EDA: variants seen among roughly 807,000 people sequenced by gnomAD.
EDA encodes the protein ectodysplasin-A.
In EDA, 2 loss-of-function variants were observed where a neutral mutation model predicts 23.6. The ratio of observed to expected loss-of-function variants is 0.08; its 90% CI spans 0.03 to 0.27. The LOEUF (loss-of-function observed/expected upper bound fraction) is 0.27. Ranked by LOEUF, EDA falls within the 10% of genes least tolerant of loss-of-function variation. EDA has a pLI of 1.00. For missense variants in EDA, 229 were observed against 324.2 expected, an observed-to-expected ratio of 0.71 and a Z score of 2.26; for synonymous variants, 131 against 132.0, an observed-to-expected ratio of 0.99 and a Z score of 0.05.
At chrX:69,993,971 T>C (rs1303021558) in intron 2 of EDA, among the ~76,000 whole-genome samples, 1 of 112,055 alleles carries the variant, frequency 8.9e-6, no homozygotes, top group Non-Finnish European at 1.9e-5. Context: ...CAATTTTGGA[T>C]TGGATTTCAT....
chrX:69,935,932 T>A (rs2018668030), intron 1 of EDA, among the ~76,000 whole-genome samples: 1 of 108,614 alleles, frequency 9.2e-6, no homozygotes, highest in African/African-American at 3.3e-5. Context: ...TTCTCAAGCA[T>A]CAAAATGTTA....
intron 1 of EDA, among the ~76,000 whole-genome samples, chrX:69,623,147 T>G (rs750616656): frequency 8.9e-5 from 10 of 112,424 alleles, no homozygotes; most frequent in Non-Finnish European, 1.9e-4. Context: ...TTTAAAAGTA[T>G]CTTGGATATT....
At chrX:69,767,407 CT>C (rs943976011) in intron 1 of EDA, among the ~76,000 whole-genome samples, 32 of 108,326 alleles carry the variant, frequency 3.0e-4, no homozygotes, top group Admixed American at 9.9e-4. Context: ...TGTTGATTTG[CT>C]TTTTTTTTCA....
chrX:69,778,327 G>A (rs1469191010), intron 1 of EDA, among the ~76,000 whole-genome samples: 1 of 111,386 alleles, frequency 9.0e-6, no homozygotes, highest in African/African-American at 3.3e-5. Context: ...AGGAAGTATG[G>A]TTTTGCTATT....
intron 1 of EDA, among the ~76,000 whole-genome samples, chrX:69,826,147 A>G (rs1347001894): frequency 8.1e-5 from 9 of 111,390 alleles, no homozygotes; most frequent in South Asian, 7.7e-4. Context: ...AATAGGTGTG[A>G]TGTGGTGCTG....
intron 1 of EDA, among the ~76,000 whole-genome samples, chrX:69,632,975 C>G (rs1247701713): frequency 9.0e-6 from 1 of 110,837 alleles, no homozygotes; most frequent in Non-Finnish European, 1.9e-5. Flanking sequence ...CTTTTTTGAC[C>G]CAAATCTTCC....
rs774192477 is a variant in EDA, at chrX:69,907,034, G to C, written c.397-49993G>C. 7.3e-4 allele frequency among the ~76,000 whole-genome samples: 82 copies of C among 111,737 alleles called. 1 individual carries two copies. Among genetic ancestry groups the C allele is most frequent in the African/African-American group, 2.6e-3 (80 of 30,799 alleles). On this transcript the variant is annotated intron_variant, in intron 1 of 7. Coordinates refer to ENST00000374552, the MANE Select transcript of EDA (RefSeq NM_001399.5). ...GAAGAAAGAACTGCTTGGTGAGATA[G>C]TGATGATAGGCACCTTGGGAGAAAG... is the stretch of plus-strand genomic sequence containing the variant.
At chrX:69,642,798 GT>G (rs1242498256) in intron 1 of EDA, among the ~76,000 whole-genome samples, 26 of 111,368 alleles carry the variant, frequency 2.3e-4, no homozygotes, top group African/African-American at 7.5e-4. Context: ...GTTCAGAGAG[GT>G]TAACTTGCCT....
At position 69,740,129 on chromosome X, in the gene EDA, A is replaced by T. The variant is rs189751095; in HGVS notation, c.396+123425A>T. On this transcript the variant is annotated intron_variant, in intron 1 of 7. Coordinates refer to ENST00000374552, the MANE Select transcript of EDA (RefSeq NM_001399.5). ...CTATATGTAATAAGCCCAATAATTC[A>T]ATTATATACCTATTGTTTTGTATAA... 4.6e-4 allele frequency among the ~76,000 whole-genome samples: 51 copies of T among 111,338 alleles called. No individual in the cohort carries two copies. The East Asian group carries it at 6.7e-3, about 15-fold the overall frequency.
chrX:69,980,943 T>C (rs1411847966), intron 2 of EDA, among the ~76,000 whole-genome samples: 1 of 112,318 alleles, frequency 8.9e-6, no homozygotes, highest in Non-Finnish European at 1.9e-5. Context: ...AGTATCTGTG[T>C]TGACCTTTTC....
At chrX:69,643,220 A>G (rs1289243661) in intron 1 of EDA, among the ~76,000 whole-genome samples, 1 of 110,989 alleles carries the variant, frequency 9.0e-6, no homozygotes. Flanking sequence ...GTAAAAAAAA[A>G]AGACCTAGTC....
rs1261152296 is a variant in EDA at position 69,811,923 on chromosome X, T to C, written c.397-145104T>C. Among the ~76,000 whole-genome samples, 7 of 111,603 alleles carry C rather than the reference T, an allele frequency of 6.3e-5. No individual in the cohort carries two copies. In the East Asian group the frequency reaches 1.7e-3, roughly 27 times the overall value. ...ACCATGGGAAAGAGTTACCAGGCCC[T>C]CTTATCACCTTGTCCTGATGTGGGA... On this transcript the variant is annotated intron_variant, in intron 1 of 7. Coordinates refer to ENST00000374552, the MANE Select transcript of EDA (RefSeq NM_001399.5).
intron 1 of EDA, among the ~76,000 whole-genome samples, chrX:69,745,277 A>T (rs1029092541): frequency 3.8e-4 from 43 of 111,763 alleles, no homozygotes; most frequent in Non-Finnish European, 7.9e-4. Context: ...GACTGATGAA[A>T]CCTAAAGAAT....
intron 1 of EDA, among the ~76,000 whole-genome samples, chrX:69,888,181 A>T (rs2017857641): frequency 8.9e-6 from 1 of 111,760 alleles, no homozygotes; most frequent in Non-Finnish European, 1.9e-5. Flanking sequence ...ATGACATCAA[A>T]AACATAAAAT....
chrX:69,904,620 G>T (rs1168847538), intron 1 of EDA, among the ~76,000 whole-genome samples: 1 of 112,069 alleles, frequency 8.9e-6, no homozygotes, highest in African/African-American at 3.2e-5. Context: ...GAAGTGTTGG[G>T]ATTACAGGCA....
chrX:69,632,207 C>G (rs960608907), intron 1 of EDA, among the ~76,000 whole-genome samples: 2 of 111,472 alleles, frequency 1.8e-5, no homozygotes, highest in Non-Finnish European at 3.8e-5. Flanking sequence ...ACTTACTACC[C>G]CAGTAAAATC....
intron 1 of EDA, among the ~76,000 whole-genome samples, chrX:69,632,128 T>C (rs1932618904): frequency 8.9e-6 from 1 of 112,010 alleles, no homozygotes; most frequent in South Asian, 3.7e-4. Flanking sequence ...CTTTCCATTA[T>C]TGGATGGTGT....
chrX:69,828,859 G>C (rs765329358), intron 1 of EDA, among the ~76,000 whole-genome samples: 1 of 112,430 alleles, frequency 8.9e-6, no homozygotes, highest in Non-Finnish European at 1.9e-5. Context: ...TTTGTCAAGT[G>C]ACAGCTAGTG....
intron 1 of EDA, among the ~76,000 whole-genome samples, chrX:69,926,657 T>C (rs1349968627): frequency 8.9e-6 from 1 of 112,146 alleles, no homozygotes; most frequent in African/African-American, 3.2e-5. Flanking sequence ...AAGAATTCTG[T>C]AGATGTCTAT....
Sources: gnomAD v4.1 joint callset for allele counts (sites outside exome capture counted in the v4.1 genomes callset) on GRCh38, gnomAD v4.1.1 for gene constraint, MANE v1.5 for transcripts, NCBI Gene and HGNC (gene_info 2026-07-23, HGNC 2026-07-21) for gene names.